CRCP: variants seen among roughly 807,000 people sequenced by gnomAD.
The protein encoded by CRCP is CGRP receptor component, also known as DNA-directed RNA polymerase III subunit RPC9.
CRCP carries 18 observed loss-of-function variants against 18.5 expected under a neutral mutation model. That is an observed-to-expected ratio of 0.97 (90% confidence interval 0.67 to 1.44). The LOEUF is 1.44. Among genes scored for constraint, CRCP ranks in the 40% most tolerant of loss-of-function variants. CRCP has a pLI of 0.00. For synonymous variants in CRCP, 53 were observed against 62.9 expected (o/e 0.84, Z 0.75); for missense variants, 130 against 176.4 (o/e 0.74, Z 1.49).
chr7:66,121,638 A>G (rs1584060032), intron 1 of CRCP, among the ~76,000 whole-genome samples: 2 of 152,114 alleles, frequency 1.3e-5, no homozygotes, highest in East Asian at 3.8e-4. Flanking sequence ...ATATAGCAAA[A>G]TTAGGTATTT....
rs576612681 is a variant in CRCP at position 66,126,762 on chromosome 7, T to C, written c.9-942T>C. Reference sequence around the variant, plus strand: ...GTGGTAGTTGCCCAGATAGTAGTAGTGATAATGTTGGTGCTTATTGAGCAC... The same window carrying C: ...GTGGTAGTTGCCCAGATAGTAGTAGCGATAATGTTGGTGCTTATTGAGCAC... On this transcript the variant is annotated intron_variant, in intron 1 of 5. Transcript: ENST00000395326. The C allele has an allele frequency of 1.8e-5, 6 of 332,108 alleles. 1 individual carries two copies. Among genetic ancestry groups the C allele is most frequent in the Non-Finnish European group, 3.6e-5 (6 of 168,168 alleles). 20.6% of individuals were successfully genotyped at this position (332,108 alleles called of 1,614,324 possible). A position where few individuals can be genotyped will look rare whatever the true frequency, so the allele number is the denominator to read the frequency against.
At chr7:66,124,952 C>T (rs13242721) in intron 1 of CRCP, among the ~76,000 whole-genome samples, 89,937 of 148,532 alleles carry the variant, frequency 0.61, 30,606 homozygotes, top group African/African-American at 0.73. Context: ...AAGAACTACA[C>T]ATTGCATTTA....
intron 2 of CRCP, among the ~76,000 whole-genome samples, chr7:66,128,405 AT>A (rs1050177980): frequency 1.3e-5 from 2 of 152,068 alleles, no homozygotes; most frequent in African/African-American, 4.8e-5. Context: ...AATTTTTATG[AT>A]TTTTCCTAAT....
intron 4 of CRCP, chr7:66,134,587 C>T (rs1433630909): frequency 2.4e-6 from 1 of 415,850 alleles, no homozygotes; most frequent in Non-Finnish European, 4.2e-6. Context: ...TTCATTTATC[C>T]TAGTGATACT....
chr7:66,135,627 A>C (rs1444856194), intron 4 of CRCP, among the ~76,000 whole-genome samples: 1 of 152,208 alleles, frequency 6.6e-6, no homozygotes, highest in African/African-American at 2.4e-5. Flanking sequence ...AATGGGGTTT[A>C]AAAATCTTTT....
rs531499304 is a variant in CRCP, at chr7:66,152,526, G to C, written c.*169G>C. 1.4e-6 allele frequency: 1 copy of C among 722,818 alleles called. No individual in the cohort carries two copies. Among genetic ancestry groups the C allele is most frequent in the South Asian group, 1.9e-5 (1 of 52,838 alleles). The allele number at this position is 722,818 out of a possible 1,614,324, so 44.8% of individuals were successfully genotyped here. On this transcript the variant is annotated 3_prime_UTR_variant, in exon 6 of 6. Coordinates refer to ENST00000395326, the MANE Select transcript of CRCP (RefSeq NM_014478.5). ...GTTAAAAAGAAATATTTGTGCCTTG[G>C]GGAGAAGAAACATGGTGAAAACAGG...
Position 66,133,915 on chromosome 7 carries a change from A to G in CRCP, c.145-365A>G, listed in dbSNP as rs181272814. Reference sequence around the variant, plus strand: ...ACTCTGTCACCCAGGCTGGAGTGCCATGGTGTGATCTCGGCTCACTGCAAC... The same window carrying G: ...ACTCTGTCACCCAGGCTGGAGTGCCGTGGTGTGATCTCGGCTCACTGCAAC... On this transcript the variant is annotated intron_variant, in intron 3 of 5. Coordinates refer to ENST00000395326, the MANE Select transcript of CRCP (RefSeq NM_014478.5). 3.5e-4 allele frequency among the ~76,000 whole-genome samples: 46 copies of G among 130,334 alleles called. No homozygotes were observed. In the Admixed American group the frequency reaches 3.9e-3, roughly 11 times the overall value. The allele number at this position is 130,334 out of a possible 152,430, so 85.5% of individuals were successfully genotyped here. A position where few individuals can be genotyped will look rare whatever the true frequency, so the allele number is the denominator to read the frequency against.
At chr7:66,130,384 G>A (rs113298059) in intron 2 of CRCP, 7 of 183,790 alleles carry the variant, frequency 3.8e-5, no homozygotes, top group South Asian at 9.8e-5. Flanking sequence ...GATTACAGGC[G>A]TGAGCCATCA....
In CRCP at chr7:66,152,401, G is replaced by A. The variant is rs903172974; in HGVS notation, c.*44G>A. The A allele has an allele frequency of 6.2e-7, 1 of 1,606,942 alleles. No homozygotes were observed. The highest frequency in any genetic ancestry group is 8.5e-7 in the Non-Finnish European group (1 of 1,175,982). On this transcript the variant is annotated 3_prime_UTR_variant, in exon 6 of 6. Transcript: ENST00000395326. ...GGCGTTTCATGAAGTCAGAAGGCCT[G>A]GCAGCCATTTCCTGGACGTTGAGAG...
chr7:66,138,621 T>TG lies in CRCP; in HGVS notation c.239+4247_239+4248insG, dbSNP rs1450613639. On this transcript the variant is annotated intron_variant, in intron 4 of 5. Coordinates refer to ENST00000395326, the MANE Select transcript of CRCP (RefSeq NM_014478.5). ...TAACACGGTGAAACCTCGTCTCTAC[T>TG]AAAAAAAAAAAAAAAAAAAAAAATC... 5.4e-5 allele frequency among the ~76,000 whole-genome samples: 5 copies of TG among 93,416 alleles called. No homozygotes were observed. The East Asian group carries it at 1.6e-3, about 30-fold the overall frequency. The allele number at this position is 93,416 out of a possible 152,430, so 61.3% of individuals were successfully genotyped here. A position where few individuals can be genotyped will look rare whatever the true frequency, so the allele number is the denominator to read the frequency against.
At chr7:66,139,076 T>TA (rs928636622) in intron 4 of CRCP, among the ~76,000 whole-genome samples, 6 of 152,168 alleles carry the variant, frequency 3.9e-5, no homozygotes, top group East Asian at 3.8e-4. Flanking sequence ...TGTTCCTTTT[T>TA]AAAAAAATTT....
chr7:66,127,332 A>G (rs535851039), intron 1 of CRCP, among the ~76,000 whole-genome samples: 16 of 152,324 alleles, frequency 1.1e-4, no homozygotes, highest in Admixed American at 3.3e-4. Flanking sequence ...GGAGCATGGC[A>G]GATATTTGGC....
intron 5 of CRCP, among the ~76,000 whole-genome samples, chr7:66,150,198 C>T (rs1483528889): frequency 1.3e-5 from 2 of 151,656 alleles, no homozygotes; most frequent in East Asian, 4.0e-4. Context: ...AGTGGATCGC[C>T]TGAGGTCAGG....
At chr7:66,150,196 G>T (rs1788416243) in intron 5 of CRCP, among the ~76,000 whole-genome samples, 1 of 151,486 alleles carries the variant, frequency 6.6e-6, no homozygotes, top group Admixed American at 6.6e-5. Context: ...TGAGTGGATC[G>T]CCTGAGGTCA....
At chr7:66,119,140 G>T (rs986489428) in intron 1 of CRCP, among the ~76,000 whole-genome samples, 1 of 152,180 alleles carries the variant, frequency 6.6e-6, no homozygotes, top group African/African-American at 2.4e-5. Flanking sequence ...CTCAGTCTTA[G>T]TATTAGATCA....
In CRCP at chr7:66,152,305, A is replaced by T. The variant is rs763575525; in HGVS notation, c.395A>T (p.Gln132Leu). The change falls in exon 6 of 6, where the codon CAG becomes CTG. Residue 132 changes from glutamine to leucine, a missense_variant. Transcript: ENST00000395326. The stretch of plus-strand genomic sequence containing the variant: ...CTGCCTGCAGAGCCAGAGGCTGAGC[A>T]GAAGAAGAATACAAACAGCAATGTG... Reference protein sequence around the residue: ...SILPAEPEAEQKKNTNSNVAM... With the variant: ...SILPAEPEAELKKNTNSNVAM... 2 of 1,614,118 alleles carry T rather than the reference A, an allele frequency of 1.2e-6. No homozygotes were observed. The highest frequency in any genetic ancestry group is 1.7e-6 in the Non-Finnish European group (2 of 1,179,996).
intron 2 of CRCP, among the ~76,000 whole-genome samples, chr7:66,130,481 G>A (rs904385710): frequency 2.0e-5 from 3 of 152,110 alleles, no homozygotes; most frequent in African/African-American, 7.2e-5. Flanking sequence ...TCAGATTAGT[G>A]ATGTACATAT....
chr7:66,131,250 A>G (rs1046016642), intron 3 of CRCP, among the ~76,000 whole-genome samples: 2 of 152,216 alleles, frequency 1.3e-5, no homozygotes, highest in Non-Finnish European at 2.9e-5. Context: ...CTGGGATTAC[A>G]GGCATGAGCC....
chr7:66,126,151 A>C (rs1446922622), intron 1 of CRCP, among the ~76,000 whole-genome samples: 1 of 149,504 alleles, frequency 6.7e-6, no homozygotes, highest in Non-Finnish European at 1.5e-5. Context: ...AGCATTTGGT[A>C]AGCTTCACAG....
Sources: allele counts gnomAD v4.1 joint callset (sites outside exome capture counted in the v4.1 genomes callset), GRCh38; gene constraint gnomAD v4.1.1; transcripts MANE v1.5; gene names NCBI Gene and HGNC (gene_info 2026-07-23, HGNC 2026-07-21).